The following TLN2 variants were observed in gnomAD, a reference collection of about 807,000 sequenced individuals.
TLN2 encodes the protein talin 2.
Under a neutral mutation model 294.7 loss-of-function variants are expected in TLN2, and 118 were observed. That is an observed-to-expected ratio of 0.40 (90% confidence interval 0.34 to 0.47). TLN2 has a LOEUF of 0.47. TLN2 is among the 20% of genes least tolerant of loss of function. TLN2 has a pLI of 0.84. For missense variants in TLN2, 3,083 were observed against 3,282.2 expected, an observed-to-expected ratio of 0.94 and a Z score of 1.48; for synonymous variants, 1,431 against 1,304.5, an observed-to-expected ratio of 1.10 and a Z score of -2.09.
At chr15:62,728,527 G>T (rs1281714321) in intron 28 of TLN2, among the ~76,000 whole-genome samples, 5 of 152,168 alleles carry the variant, frequency 3.3e-5, no homozygotes, top group African/African-American at 1.2e-4. Context: ...TTTCAGCAGT[G>T]TATGGAAGCT....
chr15:62,564,010 G>A (rs1255368016), intron 1 of TLN2, among the ~76,000 whole-genome samples: 1 of 152,190 alleles, frequency 6.6e-6, no homozygotes, highest in African/African-American at 2.4e-5. Context: ...TAACTACTAG[G>A]TGATCCAGTA....
chr15:62,612,848 T>C (rs974148326), intron 2 of TLN2, among the ~76,000 whole-genome samples: 2 of 152,236 alleles, frequency 1.3e-5, no homozygotes, highest in African/African-American at 4.8e-5. Context: ...GATGCTTTAG[T>C]GCAAAAAGAT....
chr15:62,499,198 C>T (rs1369567795), intron 1 of TLN2, among the ~76,000 whole-genome samples: 3 of 152,126 alleles, frequency 2.0e-5, no homozygotes, highest in African/African-American at 7.2e-5. Context: ...CCTATAATCC[C>T]AGCACTTTGG....
intron 1 of TLN2, among the ~76,000 whole-genome samples, chr15:62,482,501 G>T (rs962941612): frequency 6.6e-5 from 10 of 151,730 alleles, no homozygotes; most frequent in Admixed American, 2.6e-4. Context: ...ACTCAGGAGG[G>T]GGGAGGCAGG....
Position 62,535,221 on chromosome 15 carries a change from C to T in TLN2, c.-237-54466C>T, listed in dbSNP as rs184125977. On this transcript the variant is annotated intron_variant, in intron 1 of 58. Coordinates refer to ENST00000636159, the MANE Select transcript of TLN2 (RefSeq NM_015059.3). ...CTACAGGAAATTAGACGTGGCTGCCCATGGGAGTCATCTGGCACTCAAGTG... is the reference window on the plus strand; with the variant it reads ...CTACAGGAAATTAGACGTGGCTGCCTATGGGAGTCATCTGGCACTCAAGTG... Among the ~76,000 whole-genome samples the T allele has an allele frequency of 2.6e-5, 4 of 152,290 alleles. No homozygotes were observed. In the East Asian group the frequency reaches 7.7e-4, roughly 29 times the overall value.
intron 1 of TLN2, among the ~76,000 whole-genome samples, chr15:62,400,896 G>A (rs1028825420): frequency 1.8e-4 from 26 of 145,746 alleles, no homozygotes; most frequent in African/African-American, 6.6e-4. Flanking sequence ...GCTCACTGCA[G>A]CCTCTGCTTC....
In TLN2 at chr15:62,836,082, C is replaced by G; in HGVS notation, c.7374+9C>G. 1 of 1,603,406 alleles carries G rather than the reference C, an allele frequency of 6.2e-7. No homozygotes were observed. The highest frequency in any genetic ancestry group is 2.2e-5 in the East Asian group (1 of 44,540). ...CCATGAGGCGGCTACAGGTAATGGT[C>G]ACTGATGCTGGTGGGAAAATACTCC... On this transcript the variant is annotated intron_variant, in intron 57 of 58. Transcript: ENST00000636159.
At position 62,835,799 on chromosome 15, in the gene TLN2, T is replaced by C; in HGVS notation, c.7191T>C (p.Ala2397=). The C allele has an allele frequency of 2.5e-6, 4 of 1,614,228 alleles. No individual in the cohort carries two copies. The highest frequency in any genetic ancestry group is 3.4e-6 in the Non-Finnish European group (4 of 1,180,030). Residue 2397 remains alanine, a splice_region_variant and synonymous_variant, in exon 56 of 59, where the codon GCT becomes GCC. Coordinates refer to ENST00000636159, the MANE Select transcript of TLN2 (RefSeq NM_015059.3). ...DGQWSQGLIS[A]ARMVAAATSS... is the part of the protein sequence containing the mutation. ...AGTGGTCACAGGGGCTGATTTCTGC[T>C]GTGAGTTGCCTTCTCCTTCCTCCCA...
Position 62,400,094 on chromosome 15 carries a change from A to T in TLN2, c.-238+9409A>T, listed in dbSNP as rs576806733. 6.6e-5 allele frequency among the ~76,000 whole-genome samples: 10 copies of T among 152,236 alleles called. No homozygotes were observed. The East Asian group carries it at 1.7e-3, about 26-fold the overall frequency. On this transcript the variant is annotated intron_variant, in intron 1 of 58. Transcript: ENST00000636159. Reference sequence around the variant, plus strand: ...CGGTTACCGCCATGCTGTTCTTCTGATAGTAAGTGAGATCTCACGAGATCT... The same window carrying T: ...CGGTTACCGCCATGCTGTTCTTCTGTTAGTAAGTGAGATCTCACGAGATCT...
chr15:62,526,517 C>G (rs2040749409), intron 1 of TLN2, among the ~76,000 whole-genome samples: 1 of 152,200 alleles, frequency 6.6e-6, no homozygotes, highest in Non-Finnish European at 1.5e-5. Flanking sequence ...GAAGCCAGCA[C>G]TGTGAGCCAA....
chr15:62,736,274 C>T (rs1022407494), intron 28 of TLN2, among the ~76,000 whole-genome samples: 16 of 150,610 alleles, frequency 1.1e-4, no homozygotes, highest in African/African-American at 3.7e-4. Context: ...GAGCCAAGAT[C>T]GCGCCACTGC....
rs181552166 is a variant in TLN2 at position 62,701,822 on chromosome 15, T to C, written c.1697-170T>C. 2.6e-5 allele frequency among the ~76,000 whole-genome samples: 4 copies of C among 152,310 alleles called. No individual in the cohort carries two copies. The East Asian group carries it at 7.7e-4, about 29-fold the overall frequency. On this transcript the variant is annotated intron_variant, in intron 17 of 58. Transcript: ENST00000636159. ...AGGCCTCCAGGTGAAAGGGCCTTTTTGAAGTCACCTCGGAGACAGGGAGCA... is the reference window on the plus strand; with the variant it reads ...AGGCCTCCAGGTGAAAGGGCCTTTTCGAAGTCACCTCGGAGACAGGGAGCA...
At chr15:62,746,154 G>T (rs2061597035) in intron 32 of TLN2, among the ~76,000 whole-genome samples, 1 of 151,868 alleles carries the variant, frequency 6.6e-6, no homozygotes. Context: ...TAGCAACAAG[G>T]TTTTTTAAAA....
In TLN2 at chr15:62,484,583, G is replaced by A. The variant is rs1026079951; in HGVS notation, c.-238+93898G>A. Among the ~76,000 whole-genome samples the A allele has an allele frequency of 3.9e-5, 6 of 151,982 alleles. No individual in the cohort carries two copies. In the East Asian group the frequency reaches 7.7e-4, roughly 20 times the overall value. On this transcript the variant is annotated intron_variant, in intron 1 of 58. Transcript: ENST00000636159. ...CTGGGATTACAGGTGCTACCACCAC[G>A]CCCGGCTAATTTTATGTACCTTTTG...
intron 54 of TLN2, among the ~76,000 whole-genome samples, chr15:62,825,175 G>T (rs2067939940): frequency 6.6e-6 from 1 of 152,122 alleles, no homozygotes; most frequent in African/African-American, 2.4e-5. Context: ...CTGTCAGGCG[G>T]GTTTCAAGAT....
At position 62,740,654 on chromosome 15, in the gene TLN2, A is replaced by T. The variant is rs779665831; in HGVS notation, c.3910A>T (p.Ile1304Leu). The T allele has an allele frequency of 3.1e-6, 5 of 1,614,062 alleles. No homozygotes were observed. In the African/African-American group the frequency reaches 6.7e-5, roughly 22 times the overall value. Residue 1304 changes from isoleucine (I) to leucine (L), a missense_variant, in exon 32 of 59, where the codon ATA (isoleucine) becomes TTA (leucine). Coordinates refer to ENST00000636159, the MANE Select transcript of TLN2 (RefSeq NM_015059.3). Reference sequence around the variant, plus strand: ...GACAAAAGAAGACCAGATCCAAGTGATAGGGAACCTCAAGAATATCTCGAT... The same window carrying T: ...GACAAAAGAAGACCAGATCCAAGTGTTAGGGAACCTCAAGAATATCTCGAT... ...AQTKEDQIQV[I>L]GNLKNISMAS... is the part of the protein sequence containing the mutation.
chr15:62,541,346 C>T (rs1596063746), intron 1 of TLN2, among the ~76,000 whole-genome samples: 1 of 152,106 alleles, frequency 6.6e-6, no homozygotes, highest in Non-Finnish European at 1.5e-5. Flanking sequence ...GGCTGAATTT[C>T]ACCTTCCTTC....
chr15:62,482,747 T>C (rs1164276929), intron 1 of TLN2, among the ~76,000 whole-genome samples: 1 of 152,152 alleles, frequency 6.6e-6, no homozygotes, highest in Non-Finnish European at 1.5e-5. Context: ...AAAATGGGGT[T>C]TCAGATCTGA....
chr15:62,426,378 C>T (rs2034708795), intron 1 of TLN2, among the ~76,000 whole-genome samples: 1 of 152,256 alleles, frequency 6.6e-6, no homozygotes, highest in African/African-American at 2.4e-5. Context: ...CGTTGCTGCC[C>T]TCCTGGGGCT....
Sources: allele counts gnomAD v4.1 joint callset (sites outside exome capture counted in the v4.1 genomes callset), GRCh38; gene constraint gnomAD v4.1.1; transcripts MANE v1.5; gene names NCBI Gene and HGNC (gene_info 2026-07-23, HGNC 2026-07-21).